PTPRG: variants seen among roughly 807,000 people sequenced by gnomAD.
PTPRG encodes protein tyrosine phosphatase receptor type G.
PTPRG carries 102 observed loss-of-function variants against 165.3 expected under a neutral mutation model. The observed-to-expected ratio is 0.62, with a 90% CI of 0.53 to 0.73. PTPRG has a LOEUF of 0.73. Ranked by LOEUF, PTPRG falls within the 30% of genes least tolerant of loss-of-function variation. The pLI, the probability that PTPRG is intolerant of heterozygous loss-of-function variation, is 0.00. For synonymous variants in PTPRG, 675 were observed against 669.5 expected (o/e 1.01, Z -0.13); for missense variants, 1,866 against 1,861.4 (o/e 1.00, Z -0.05).
chr3:61,896,820 G>A (rs1022546698), intron 2 of PTPRG, among the ~76,000 whole-genome samples: 8 of 152,096 alleles, frequency 5.3e-5, no homozygotes, highest in African/African-American at 1.9e-4. Flanking sequence ...AATGGGTAAT[G>A]ATGTTGAACA....
chr3:61,675,346 T>C (rs188462434), intron 1 of PTPRG, among the ~76,000 whole-genome samples: 92 of 152,308 alleles, frequency 6.0e-4, no homozygotes, highest in African/African-American at 1.7e-3. Flanking sequence ...TGGGTATTAT[T>C]AGTGGAAGTC....
At chr3:62,275,348 C>A (rs1172988938) in intron 23 of PTPRG, among the ~76,000 whole-genome samples, 3 of 348 alleles carry the variant, frequency 8.6e-3, no homozygotes, top group African/African-American at 0.029. Context: ...GTCTTTTATG[C>A]CAGTGAGGAT....
At chr3:62,170,350 A>C (rs1705169358) in intron 8 of PTPRG, among the ~76,000 whole-genome samples, 1 of 152,136 alleles carries the variant, frequency 6.6e-6, no homozygotes, top group Admixed American at 6.6e-5. Context: ...AGTTATATGC[A>C]GAGGATGTGG....
chr3:62,095,307 A>G (rs936099356), intron 5 of PTPRG, among the ~76,000 whole-genome samples: 14 of 152,190 alleles, frequency 9.2e-5, no homozygotes, highest in African/African-American at 3.4e-4. Flanking sequence ...CAAAGGAAGA[A>G]TGTCTACAAG....
At chr3:61,783,690 G>A (rs1372121907) in intron 2 of PTPRG, among the ~76,000 whole-genome samples, 3 of 152,164 alleles carry the variant, frequency 2.0e-5, no homozygotes, top group African/African-American at 4.8e-5. Flanking sequence ...AGTAGAGAAA[G>A]TATGAACAAG....
chr3:61,934,599 C>A (rs2039440016), intron 2 of PTPRG, among the ~76,000 whole-genome samples: 1 of 151,732 alleles, frequency 6.6e-6, no homozygotes, highest in African/African-American at 2.4e-5. Context: ...GGTGGGGACC[C>A]CAGTTCCTGC....
chr3:62,245,901 C>G lies in PTPRG; in HGVS notation c.2467+2003C>G, dbSNP rs1701279230. Among the ~76,000 whole-genome samples, 1 of 152,036 alleles carries G rather than the reference C, an allele frequency of 6.6e-6. No homozygotes were observed. Among genetic ancestry groups the G allele is most frequent in the South Asian group, 2.1e-4 (1 of 4,818 alleles). Reference sequence around the variant, plus strand: ...CTCTTCTTTGATATAGGCTTTAGAACTTTCAATTCACTAGGATCCTCTGAA... The same window carrying G: ...CTCTTCTTTGATATAGGCTTTAGAAGTTTCAATTCACTAGGATCCTCTGAA... On this transcript the variant is annotated intron_variant, in intron 15 of 29. Transcript: ENST00000474889. This position sits in a 1 kb window ranked among gnomAD's most constrained non-coding sequence, Gnocchi z 4.2.
At chr3:61,918,079 A>AT (rs2038986612) in intron 2 of PTPRG, among the ~76,000 whole-genome samples, 3 of 152,212 alleles carry the variant, frequency 2.0e-5, no homozygotes, top group Admixed American at 1.3e-4. Context: ...GAACTCTTGA[A>AT]TTTTTTCCCC....
chr3:62,136,277 A>C (rs1703706782), intron 6 of PTPRG, among the ~76,000 whole-genome samples: 1 of 152,202 alleles, frequency 6.6e-6, no homozygotes, highest in Admixed American at 6.5e-5. Context: ...GAGATGTACA[A>C]TTAAGTATGT....
intron 2 of PTPRG, among the ~76,000 whole-genome samples, chr3:61,817,941 G>A (rs1242526896): frequency 2.6e-5 from 4 of 152,048 alleles, no homozygotes; most frequent in Non-Finnish European, 5.9e-5. Flanking sequence ...AACAAGATGG[G>A]GCGGTGAGAG....
Position 62,281,543 on chromosome 3 carries a change from T to TTTTTTTTTTTTTTTTTTTTTTTTTTG in PTPRG, c.3766-12_3766-11insTTTTTTTTTTTTTTTTTGTTTTTTTT. 1 of 1,351,116 alleles carries TTTTTTTTTTTTTTTTTTTTTTTTTTG rather than the reference T, an allele frequency of 7.4e-7. No individual in the cohort carries two copies. The allele number at this position is 1,351,116 out of a possible 1,614,324, so 83.7% of individuals were successfully genotyped here. A position where few individuals can be genotyped will look rare whatever the true frequency, so the allele number is the denominator to read the frequency against. On this transcript the variant is annotated intron_variant, in intron 26 of 29. Transcript: ENST00000474889. ...CCTTGACAGAACTGCAGAGGCTTTT[T>TTTTTTTTTTTTTTTTTTTTTTTTTTG]TTTTTTTTGGATTCCAAAGGCAGAA... is the stretch of plus-strand genomic sequence containing the variant.
At chr3:61,662,311 C>T (rs1030343819) in intron 1 of PTPRG, among the ~76,000 whole-genome samples, 1 of 152,186 alleles carries the variant, frequency 6.6e-6, no homozygotes, top group African/African-American at 2.4e-5. Flanking sequence ...AGGAAAGCCA[C>T]CTGCCATGTT....
chr3:62,276,395 G>A (rs923541659), intron 24 of PTPRG: 2 of 157,366 alleles, frequency 1.3e-5, no homozygotes, highest in African/African-American at 4.8e-5. Flanking sequence ...GGATTAATCT[G>A]TACAACTAGA....
At chr3:61,985,904 A>G (rs776917345) in intron 2 of PTPRG, among the ~76,000 whole-genome samples, 1 of 152,154 alleles carries the variant, frequency 6.6e-6, no homozygotes, top group Non-Finnish European at 1.5e-5. Context: ...TGGACATCTC[A>G]TATTTGCAGC....
intron 5 of PTPRG, among the ~76,000 whole-genome samples, chr3:62,127,659 GC>G (rs1199040860): frequency 1.3e-5 from 2 of 152,200 alleles, no homozygotes; most frequent in Non-Finnish European, 2.9e-5. Context: ...CGGATTCAAG[GC>G]AAGTAGGTTG....
intron 25 of PTPRG, among the ~76,000 whole-genome samples, 197 bp downstream of exon 25, chr3:62,277,245 C>G (rs980328740): frequency 6.6e-6 from 1 of 152,078 alleles, no homozygotes; most frequent in African/African-American, 2.4e-5. Flanking sequence ...TTAAATTAAG[C>G]AGAATGCTTC....
intron 1 of PTPRG, among the ~76,000 whole-genome samples, chr3:61,739,947 T>C (rs1383186162): frequency 6.6e-6 from 1 of 152,188 alleles, no homozygotes. Context: ...ATACAGATAT[T>C]GGTGTTCTCT....
At chr3:61,997,746 A>G (rs557802716) in intron 3 of PTPRG, among the ~76,000 whole-genome samples, 1 of 152,316 alleles carries the variant, frequency 6.6e-6, no homozygotes, top group East Asian at 1.9e-4. Flanking sequence ...GTCATTACTC[A>G]GTAAATATTT....
At chr3:62,174,235 C>T (rs1705328761) in intron 8 of PTPRG, among the ~76,000 whole-genome samples, 1 of 152,214 alleles carries the variant, frequency 6.6e-6, no homozygotes. Context: ...CTTCCAACAA[C>T]ATGAAACATA....
Sources: gnomAD v4.1 joint callset for allele counts (sites outside exome capture counted in the v4.1 genomes callset) on GRCh38, gnomAD v4.1.1 for gene constraint, Gnocchi (gnomAD v3.1) non-coding constraint, MANE v1.5 for transcripts, NCBI Gene and HGNC (gene_info 2026-07-23, HGNC 2026-07-21) for gene names.